The following NRXN1 variants were observed in gnomAD, a reference collection of about 807,000 sequenced individuals.
NRXN1 encodes the protein neurexin 1.
NRXN1 carries 39 observed loss-of-function variants against 150.9 expected under a neutral mutation model. The ratio of observed to expected loss-of-function variants is 0.26; its 90% confidence interval spans 0.20 to 0.34. The LOEUF is 0.34. NRXN1 is among the 10% of genes least tolerant of loss of function. The pLI is 1.00. For missense variants in NRXN1, 1,815 were observed against 1,949.9 expected, an observed-to-expected ratio of 0.93 and a Z score of 1.30; for synonymous variants, 924 against 757.0, an observed-to-expected ratio of 1.22 and a Z score of -3.62.
In NRXN1 at chr2:50,053,392, G is replaced by C. The variant is rs1290089122; in HGVS notation, c.4007C>G (p.Thr1336Ser). The C allele has an allele frequency of 6.2e-7, 1 of 1,613,962 alleles. No individual in the cohort carries two copies. The highest frequency in any genetic ancestry group is 8.5e-7 in the Non-Finnish European group (1 of 1,179,926). The change falls in exon 21 of 23, where the codon ACT becomes AGT. Residue 1336 changes from threonine (T) to serine (S), a missense_variant. By Grantham distance (58) the Thr-to-Ser change is moderately conservative. Coordinates refer to ENST00000401669, the MANE Select transcript of NRXN1 (RefSeq NM_001330078.2). ...LVGEVPSSMT[T>S]ESTATAMQSE... ...TTGCATGGCAGTGGCTGTTGACTCA[G>C]TTGTCATAGAGGAAGGCACTTCACC... is the stretch of plus-strand genomic sequence containing the variant.
chr2:50,448,994 A>G (rs1336462273), intron 17 of NRXN1, among the ~76,000 whole-genome samples: 3 of 152,210 alleles, frequency 2.0e-5, no homozygotes, highest in Admixed American at 6.5e-5. Context: ...CTCTCACATT[A>G]TTACTGGCCC....
At chr2:50,161,493 A>G (rs1163447122) in intron 18 of NRXN1, among the ~76,000 whole-genome samples, 1 of 152,134 alleles carries the variant, frequency 6.6e-6, no homozygotes, top group African/African-American at 2.4e-5. Context: ...CTTCTTGGGT[A>G]AGGGGCATCC....
intron 5 of NRXN1, among the ~76,000 whole-genome samples, chr2:50,667,387 G>A (rs1049728716): frequency 2.6e-5 from 4 of 151,842 alleles, no homozygotes; most frequent in African/African-American, 7.2e-5. Context: ...TTATTAGAAG[G>A]ACATAATATT....
At chr2:50,650,966 T>C (rs1685526746) in intron 5 of NRXN1, among the ~76,000 whole-genome samples, 2 of 152,178 alleles carry the variant, frequency 1.3e-5, no homozygotes, top group Middle Eastern at 3.4e-3. Flanking sequence ...AACTACACAA[T>C]ATAAACCTGT....
At chr2:50,445,033 G>A in intron 17 of NRXN1, among the ~76,000 whole-genome samples, 1 of 152,050 alleles carries the variant, frequency 6.6e-6, no homozygotes, top group Non-Finnish European at 1.5e-5. Context: ...GAAGCACTGT[G>A]CCCGTAACTT....
At chr2:50,218,260 C>A in intron 18 of NRXN1, among the ~76,000 whole-genome samples, 1 of 152,012 alleles carries the variant, frequency 6.6e-6, no homozygotes, top group Non-Finnish European at 1.5e-5. Flanking sequence ...TAACAAGGTT[C>A]TGTTCACTTT....
intron 21 of NRXN1, among the ~76,000 whole-genome samples, chr2:50,037,106 A>T (rs980565433): frequency 1.3e-5 from 2 of 151,990 alleles, no homozygotes; most frequent in Non-Finnish European, 2.9e-5. Flanking sequence ...ATGTATTTTA[A>T]TCCAGCTTAA....
chr2:50,074,516 T>C (rs748334598), intron 19 of NRXN1, among the ~76,000 whole-genome samples: 3 of 152,146 alleles, frequency 2.0e-5, no homozygotes, highest in Non-Finnish European at 2.9e-5. Context: ...ATGTAATGTC[T>C]GTAAAGTTGC....
chr2:50,354,586 T>TGTATATATATAC (rs2078662669), intron 17 of NRXN1, among the ~76,000 whole-genome samples: 2 of 124,846 alleles, frequency 1.6e-5, no homozygotes, highest in Non-Finnish European at 3.4e-5. Flanking sequence ...TATATATATA[T>TGTATATATATAC]ACACACACAC....
intron 5 of NRXN1, among the ~76,000 whole-genome samples, chr2:50,722,918 G>A (rs1696867182): frequency 6.6e-6 from 1 of 152,036 alleles, no homozygotes; most frequent in African/African-American, 2.4e-5. Context: ...GTGGGATCTT[G>A]CCTTGGTCCA....
At chr2:50,100,501 G>A (rs777015213) in intron 18 of NRXN1, among the ~76,000 whole-genome samples, 2 of 151,892 alleles carry the variant, frequency 1.3e-5, no homozygotes, top group South Asian at 2.1e-4. Context: ...TCTTGATATC[G>A]GTATTTTAAG....
chr2:50,031,233 T>C (rs1355041098), intron 21 of NRXN1, among the ~76,000 whole-genome samples: 2 of 152,082 alleles, frequency 1.3e-5, no homozygotes, highest in South Asian at 2.1e-4. Flanking sequence ...GAAGCCAGCA[T>C]GCTTGGAAGG....
At chr2:50,887,115 C>G (rs1415949979) in intron 5 of NRXN1, among the ~76,000 whole-genome samples, 2 of 151,330 alleles carry the variant, frequency 1.3e-5, no homozygotes, top group African/African-American at 4.8e-5. Context: ...ATGCAAGTTA[C>G]TAGTTTTATT....
At chr2:50,260,328 T>C (rs772623562) in intron 17 of NRXN1, among the ~76,000 whole-genome samples, 16 of 151,868 alleles carry the variant, frequency 1.1e-4, no homozygotes, top group Non-Finnish European at 2.1e-4. Flanking sequence ...TCCTAGAAAA[T>C]TGTCATATTA....
At chr2:49,930,853 G>A (rs1368063021) in intron 22 of NRXN1, among the ~76,000 whole-genome samples, 1 of 151,930 alleles carries the variant, frequency 6.6e-6, no homozygotes, top group Non-Finnish European at 1.5e-5. Flanking sequence ...AAGAAAGTGT[G>A]AAAGTGTGAA....
At chr2:50,827,509 TGAA>T (rs1670618962) in intron 5 of NRXN1, among the ~76,000 whole-genome samples, 1 of 151,856 alleles carries the variant, frequency 6.6e-6, no homozygotes, top group African/African-American at 2.4e-5. Flanking sequence ...TTTTTAAAAA[TGAA>T]GAACAAAGTA....
intron 9 of NRXN1, 81 bp downstream of exon 9, chr2:50,552,506 T>A: frequency 9.7e-7 from 1 of 1,030,516 alleles, no homozygotes; most frequent in South Asian, 1.5e-5. Flanking sequence ...CTTTAATATG[T>A]CTTGGTTTTC....
At chr2:50,499,773 C>T (rs2091848435) in intron 13 of NRXN1, among the ~76,000 whole-genome samples, 2 of 151,878 alleles carry the variant, frequency 1.3e-5, no homozygotes, top group South Asian at 4.2e-4. Context: ...CATGGTGAAA[C>T]TCTGTCTCTA....
rs71404969 is a variant in NRXN1 at position 50,610,642 on chromosome 2, C to CATATATATATATATATATATATATAT, written c.1320+9354_1320+9379dup. On this transcript the variant is annotated intron_variant, in intron 8 of 22. Coordinates refer to ENST00000401669, the MANE Select transcript of NRXN1 (RefSeq NM_001330078.2). ...GCCTGGCACATACTATAAATAGATACATATATATATATATATATATATATA... is the reference window on the plus strand; with the variant it reads ...GCCTGGCACATACTATAAATAGATACATATATATATATATATATATATATATATATATATATATATATATATATATA... 5.4e-4 allele frequency among the ~76,000 whole-genome samples: 23 copies of CATATATATATATATATATATATATAT among 42,868 alleles called. 1 individual carries two copies. Among genetic ancestry groups the CATATATATATATATATATATATATAT allele is most frequent in the Non-Finnish European group, 8.4e-4 (18 of 21,416 alleles). The allele number at this position is 42,868 out of a possible 152,430, so 28.1% of individuals were successfully genotyped here.
Sources: allele counts gnomAD v4.1 joint callset (sites outside exome capture counted in the v4.1 genomes callset), GRCh38; gene constraint gnomAD v4.1.1; transcripts MANE v1.5; gene names NCBI Gene and HGNC (gene_info 2026-07-23, HGNC 2026-07-21).